The following KIF6 variants were observed in gnomAD, a reference collection of about 807,000 sequenced individuals.
KIF6 encodes the protein kinesin-like protein KIF6.
KIF6 carries 106 observed loss-of-function variants against 112.7 expected under a neutral mutation model. The ratio of observed to expected loss-of-function variants is 0.94; its 90% confidence interval spans 0.80 to 1.11. The LOEUF is 1.11. Among genes scored for constraint, KIF6 ranks in the 50% least tolerant of loss-of-function variants. The pLI is 0.00. For missense variants in KIF6, 929 were observed against 964.0 expected, an observed-to-expected ratio of 0.96 and a Z score of 0.48; for synonymous variants, 339 against 339.9, an observed-to-expected ratio of 1.00 and a Z score of 0.03.
intron 6 of KIF6, among the ~76,000 whole-genome samples, chr6:39,610,382 T>C (rs1783150462): frequency 6.6e-6 from 1 of 152,204 alleles, no homozygotes; most frequent in African/African-American, 2.4e-5. Context: ...GTAAAGAACA[T>C]GAAAGGAAAG....
intron 10 of KIF6, among the ~76,000 whole-genome samples, chr6:39,548,585 C>A (rs1450006681): frequency 6.6e-6 from 1 of 152,230 alleles, no homozygotes; most frequent in Non-Finnish European, 1.5e-5. Flanking sequence ...CCTTATCAGG[C>A]AAGGACTTGG....
At chr6:39,408,014 G>A (rs188993866) in intron 15 of KIF6, among the ~76,000 whole-genome samples, 343 of 152,228 alleles carry the variant, frequency 2.3e-3, no homozygotes, top group Admixed American at 3.5e-3. Flanking sequence ...CATCTGCTAC[G>A]TATTCTATAG....
chr6:39,718,261 T>G (rs1789985384), intron 2 of KIF6, among the ~76,000 whole-genome samples: 2 of 150,854 alleles, frequency 1.3e-5, no homozygotes, highest in African/African-American at 2.4e-5. Context: ...AAAGAATACT[T>G]TGGATAGGGT....
At chr6:39,380,555 GCACA>G (rs138866953) in intron 16 of KIF6, among the ~76,000 whole-genome samples, 1 of 151,334 alleles carries the variant, frequency 6.6e-6, no homozygotes, top group Non-Finnish European at 1.5e-5. Context: ...ACATGCACGC[GCACA>G]CACACACACG....
At chr6:39,506,553 T>C (rs937744333) in intron 13 of KIF6, among the ~76,000 whole-genome samples, 7 of 152,110 alleles carry the variant, frequency 4.6e-5, no homozygotes, top group Admixed American at 1.3e-4. Flanking sequence ...GTATATTTGG[T>C]CTCTGCCCCT....
intron 10 of KIF6, among the ~76,000 whole-genome samples, chr6:39,546,358 T>C (rs993923123): frequency 6.6e-6 from 1 of 152,198 alleles, no homozygotes; most frequent in Non-Finnish European, 1.5e-5. Context: ...TCTCTGCTTC[T>C]TCCAGGGCTT....
chr6:39,336,917 CT>C (rs1221062712), intron 22 of KIF6, among the ~76,000 whole-genome samples: 2,153 of 147,168 alleles, frequency 0.015, 42 homozygotes, highest in African/African-American at 0.052. Flanking sequence ...TCTTCCCTTT[CT>C]TCCCTTTCTC....
At chr6:39,577,569 G>C (rs1297214840) in intron 10 of KIF6, among the ~76,000 whole-genome samples, 1 of 152,218 alleles carries the variant, frequency 6.6e-6, no homozygotes, top group African/African-American at 2.4e-5. Flanking sequence ...ATAAAGCCCT[G>C]AATACCTGCT....
intron 6 of KIF6, among the ~76,000 whole-genome samples, chr6:39,598,687 G>A (rs1333137517): frequency 4.0e-5 from 6 of 151,716 alleles, no homozygotes; most frequent in Non-Finnish European, 8.8e-5. Context: ...ACATTATTAG[G>A]GTTAGCAAGA....
At chr6:39,653,218 C>G (rs1785577821) in intron 3 of KIF6, among the ~76,000 whole-genome samples, 1 of 152,056 alleles carries the variant, frequency 6.6e-6, no homozygotes, top group African/African-American at 2.4e-5. Flanking sequence ...TCTGGAGTAC[C>G]TTGATTTTCA....
Position 39,354,534 on chromosome 6 carries a change from G to A in KIF6, c.2180+2743C>T, listed in dbSNP as rs1406891324. 2.0e-5 allele frequency among the ~76,000 whole-genome samples: 3 copies of A among 152,212 alleles called. No homozygotes were observed. The East Asian group carries it at 5.8e-4, about 29-fold the overall frequency. On this transcript the variant is annotated intron_variant, in intron 19 of 22. Transcript: ENST00000287152. ...GGAACTAGAAGAAAATATGGAATAGGTGACAAAAGCTGCTTTCTAGCTGAA... is the reference window on the plus strand; with the variant it reads ...GGAACTAGAAGAAAATATGGAATAGATGACAAAAGCTGCTTTCTAGCTGAA...
At chr6:39,395,888 A>G (rs553804424) in intron 15 of KIF6, among the ~76,000 whole-genome samples, 2 of 152,364 alleles carry the variant, frequency 1.3e-5, no homozygotes, top group African/African-American at 4.8e-5. Context: ...TGCAGTGAAT[A>G]TAGTTTTAAA....
intron 13 of KIF6, among the ~76,000 whole-genome samples, chr6:39,457,994 A>G (rs1301367597): frequency 2.0e-5 from 3 of 151,082 alleles, no homozygotes; most frequent in African/African-American, 7.4e-5. Context: ...CAATAGAAAA[A>G]GAGGAAATCC....
chr6:39,473,728 TA>T (rs1454441039), intron 13 of KIF6, among the ~76,000 whole-genome samples: 1 of 152,208 alleles, frequency 6.6e-6, no homozygotes, highest in East Asian at 1.9e-4. Flanking sequence ...CACAACAGGA[TA>T]AATGATTCTA....
chr6:39,436,072 G>A (rs576783435), intron 13 of KIF6, among the ~76,000 whole-genome samples: 1 of 152,166 alleles, frequency 6.6e-6, no homozygotes, highest in Middle Eastern at 3.4e-3. Context: ...GGGGTAAGAT[G>A]GTATTTCATC....
intron 3 of KIF6, among the ~76,000 whole-genome samples, chr6:39,658,992 T>C (rs955862915): frequency 6.6e-6 from 1 of 152,144 alleles, no homozygotes; most frequent in African/African-American, 2.4e-5. Flanking sequence ...AGAGGAGAAA[T>C]TGAACTATAT....
intron 6 of KIF6, among the ~76,000 whole-genome samples, chr6:39,598,090 G>A (rs866595947): frequency 2.6e-5 from 4 of 152,146 alleles, no homozygotes; most frequent in African/African-American, 4.8e-5. Context: ...GGGAGGCTGA[G>A]GCAGGAGAAT....
intron 13 of KIF6, among the ~76,000 whole-genome samples, chr6:39,452,426 T>A (rs1025516248): frequency 6.6e-6 from 1 of 152,220 alleles, no homozygotes; most frequent in Admixed American, 6.5e-5. Flanking sequence ...TTTCACTTCA[T>A]TGGGTTCACT....
At position 39,335,207 on chromosome 6, in the gene KIF6, G is replaced by C. The variant is rs568454515; in HGVS notation, c.*1325C>G. ...TAGTGATGCAGAAAAAATGGTAATG[G>C]GATAGGGGATAACTAGGGGGTGACT... is the stretch of plus-strand genomic sequence containing the variant. On this transcript the variant is annotated 3_prime_UTR_variant, in exon 23 of 23. Transcript: ENST00000287152. 10 of 152,102 alleles carry C rather than the reference G, an allele frequency of 6.6e-5. No individual in the cohort carries two copies. The highest frequency in any genetic ancestry group is 2.4e-4 in the African/African-American group (10 of 41,392). 9.4% of individuals were successfully genotyped at this position (152,102 alleles called of 1,614,324 possible).
Sources: gnomAD v4.1 joint callset for allele counts (sites outside exome capture counted in the v4.1 genomes callset) on GRCh38, gnomAD v4.1.1 for gene constraint, MANE v1.5 for transcripts, NCBI Gene and HGNC (gene_info 2026-07-23, HGNC 2026-07-21) for gene names.